PADI4: variants seen among roughly 807,000 people sequenced by gnomAD.
The protein encoded by PADI4 is peptidyl arginine deiminase 4.
A neutral mutation model predicts 75.0 loss-of-function variants in PADI4; 62 were observed. That is an observed-to-expected ratio of 0.83 (90% CI 0.67 to 1.02). The LOEUF (loss-of-function observed/expected upper bound fraction) is 1.02. PADI4 is among the 50% of genes least tolerant of loss of function. The pLI is 0.00. For synonymous variants in PADI4, 361 were observed against 348.1 expected (o/e 1.04, Z -0.41); for missense variants, 845 against 850.5 (o/e 0.99, Z 0.08).
At position 17,348,043 on chromosome 1, in the gene PADI4, G is replaced by A. The variant is rs752246671; in HGVS notation, c.1150G>A (p.Val384Met). The A allele has an allele frequency of 1.3e-5, 20 of 1,581,762 alleles. No individual in the cohort carries two copies. The highest frequency in any genetic ancestry group is 3.3e-5 in the South Asian group (3 of 90,286). ...CCTGAAGGAGTTTCCCATCAAACGCGTGATGGTACCTGCATGGGGTGGGGA... is the reference window on the plus strand; with the variant it reads ...CCTGAAGGAGTTTCCCATCAAACGCATGATGGTACCTGCATGGGGTGGGGA... ...RGLKEFPIKRVMGPDFGYVTR... is the reference protein window; with the variant it reads ...RGLKEFPIKRMMGPDFGYVTR... Residue 384 changes from valine (V) to methionine (M), a missense_variant, in exon 10 of 16, where the codon GTG becomes ATG. Transcript: ENST00000375448.
intron 11 of PADI4, 88 bp from the exon 12 acceptor site, chr1:17,355,895 C>G: frequency 7.3e-7 from 1 of 1,371,352 alleles, no homozygotes; most frequent in Non-Finnish European, 1.0e-6. Flanking sequence ...GAAGGAGAAC[C>G]CTGACCTTTT....
chr1:17,343,729 C>T (rs2074464413), intron 8 of PADI4, among the ~76,000 whole-genome samples: 1 of 152,192 alleles, frequency 6.6e-6, no homozygotes, highest in Non-Finnish European at 1.5e-5. Context: ...GGGGTTTCCA[C>T]TTTTGCATCT....
In PADI4 at chr1:17,354,616, C is replaced by T. The variant is rs540514677; in HGVS notation, c.1239C>T (p.Ser413=). The change falls in exon 11 of 16, where the codon AGC becomes AGT. Residue 413 remains serine (S), a synonymous_variant. Transcript: ENST00000375448. ...GLDSFGNLEV[S]PPVTVRGKEY... ...ACTCCTTTGGGAACCTGGAAGTGAG[C>T]CCCCCAGTCACAGTCAGGGGCAAGG... 3 of 1,613,686 alleles carry T rather than the reference C, an allele frequency of 1.9e-6. No homozygotes were observed. Among genetic ancestry groups the T allele is most frequent in the African/African-American group, 2.7e-5 (2 of 75,016 alleles).
rs549475985 is a variant in PADI4 at position 17,359,475 on chromosome 1, G to A, written c.1758+67G>A. ...AGGTAGCTCAGCCCGAGAGGCCAGTGGGGCACCCGGGCGGTCCCAGAGGGC... is the reference window on the plus strand; with the variant it reads ...AGGTAGCTCAGCCCGAGAGGCCAGTAGGGCACCCGGGCGGTCCCAGAGGGC... On this transcript the variant is annotated intron_variant, in intron 15 of 15. Coordinates refer to ENST00000375448, the MANE Select transcript of PADI4 (RefSeq NM_012387.3). 1.3e-5 allele frequency: 21 copies of A among 1,604,394 alleles called. No individual in the cohort carries two copies. In the South Asian group the frequency reaches 2.3e-4, roughly 18 times the overall value.
At position 17,356,049 on chromosome 1, in the gene PADI4, T is replaced by C; in HGVS notation, c.1377T>C (p.Pro459=). The change falls in exon 12 of 16, where the codon CCT becomes CCC. Residue 459 remains proline (P), a synonymous_variant. Transcript: ENST00000375448. This position sits in a 1 kb window ranked among gnomAD's most constrained non-coding sequence, Gnocchi z 4.1. ...TCAGTGCCCAGCAGGTGCAGGCCCC[T>C]GTGAAGCTCTATTCTGACTGGCTGT... The part of the protein sequence containing the change: ...DFLSAQQVQA[P]VKLYSDWLSV... 6.2e-7 allele frequency: 1 copy of C among 1,614,090 alleles called. No homozygotes were observed. The highest frequency in any genetic ancestry group is 8.5e-7 in the Non-Finnish European group (1 of 1,179,968).
chr1:17,320,199 C>T (rs2147332), intron 1 of PADI4, among the ~76,000 whole-genome samples: 136,417 of 152,216 alleles, frequency 0.9, 61,285 homozygotes, highest in South Asian at 0.95. Flanking sequence ...CTTCCAGCAA[C>T]AGCATCACTC....
intron 1 of PADI4, among the ~76,000 whole-genome samples, chr1:17,310,758 C>T (rs1218401288): frequency 2.0e-5 from 3 of 149,096 alleles, no homozygotes; most frequent in Non-Finnish European, 4.5e-5. Context: ...GTCAGAATTT[C>T]GAGACCAGCC....
At chr1:17,341,848 G>A in intron 6 of PADI4, 95 bp from the exon 7 acceptor site, 1 of 892,842 alleles carries the variant, frequency 1.1e-6, no homozygotes, top group Non-Finnish European at 1.7e-6. Context: ...GCCATGTGGT[G>A]ACCCTGGGAA....
At chr1:17,315,006 A>G (rs1432320397) in intron 1 of PADI4, among the ~76,000 whole-genome samples, 2 of 152,212 alleles carry the variant, frequency 1.3e-5, no homozygotes, top group African/African-American at 2.4e-5. Context: ...ATGACAACCC[A>G]GCCATCCTGC....
At chr1:17,331,925 C>G (rs2074220524) in intron 2 of PADI4, among the ~76,000 whole-genome samples, 1 of 152,080 alleles carries the variant, frequency 6.6e-6, no homozygotes, top group South Asian at 2.1e-4. Flanking sequence ...CTCAAAAAAA[C>G]AAAAGAAAGA....
At chr1:17,355,481 G>A (rs992437618) in intron 11 of PADI4, among the ~76,000 whole-genome samples, 19 of 151,796 alleles carry the variant, frequency 1.3e-4, no homozygotes, top group Non-Finnish European at 5.9e-5. Flanking sequence ...CCCGGGAGGC[G>A]GAGGTTGTAG....
rs531946133 is a variant in PADI4 at position 17,351,039 on chromosome 1, A to T, written c.1155+2991A>T. 1.7e-5 allele frequency among the ~76,000 whole-genome samples: 2 copies of T among 117,636 alleles called. 1 individual carries two copies. Among genetic ancestry groups the T allele is most frequent in the East Asian group, 7.0e-4 (2 of 2,848 alleles). The allele number at this position is 117,636 out of a possible 152,430, so 77.2% of individuals were successfully genotyped here. ...TTGTCCCTACAAAAAAAAAAAAAAA[A>T]TTGTTTCAATTAACTAGGCATGGTA... On this transcript the variant is annotated intron_variant, in intron 10 of 15. Transcript: ENST00000375448.
chr1:17,342,414 T>TG lies in PADI4; in HGVS notation c.935+16dup. The TG allele has an allele frequency of 6.7e-7, 1 of 1,498,428 alleles. No individual in the cohort carries two copies. Among genetic ancestry groups the TG allele is most frequent in the Non-Finnish European group, 9.3e-7 (1 of 1,076,124 alleles). The allele number at this position is 1,498,428 out of a possible 1,614,324, so 92.8% of individuals were successfully genotyped here. ...GTGTACGCGTGCAGGTGAGAGGTCCTGGGGTGCTGGGGTGGGTCCAGACAA... is the reference window on the plus strand; with the variant it reads ...GTGTACGCGTGCAGGTGAGAGGTCCTGGGGGTGCTGGGGTGGGTCCAGACAA... On this transcript the variant is annotated intron_variant, in intron 8 of 15. Coordinates refer to ENST00000375448, the MANE Select transcript of PADI4 (RefSeq NM_012387.3).
rs575681019 is a variant in PADI4, at chr1:17,325,485, TCA to T, written c.93-5482_93-5481del. On this transcript the variant is annotated intron_variant, in intron 1 of 15. Coordinates refer to ENST00000375448, the MANE Select transcript of PADI4 (RefSeq NM_012387.3). Reference sequence around the variant, plus strand: ...TATTTTTTCCTCTTTACTTTATTAGTCACCTTATTAAACTTTTGTCTTTTTAT... The same window carrying T: ...TATTTTTTCCTCTTTACTTTATTAGTCCTTATTAAACTTTTGTCTTTTTAT... Among the ~76,000 whole-genome samples the T allele has an allele frequency of 7.9e-5, 12 of 152,240 alleles. No homozygotes were observed. In the South Asian group the frequency reaches 2.3e-3, roughly 29 times the overall value.
chr1:17,318,443 G>A (rs1012765115), intron 1 of PADI4, among the ~76,000 whole-genome samples: 1 of 152,194 alleles, frequency 6.6e-6, no homozygotes, highest in Non-Finnish European at 1.5e-5. Flanking sequence ...GCAGGCATGT[G>A]AACACCAACT....
intron 3 of PADI4, chr1:17,334,890 C>G (rs914196709): frequency 1.2e-5 from 3 of 258,292 alleles, no homozygotes; most frequent in African/African-American, 7.0e-5. Context: ...ACCTGCAATC[C>G]CAGCGCTTTG....
At chr1:17,358,709 T>G in intron 13 of PADI4, 129 bp from the exon 14 acceptor site, 1 of 685,056 alleles carries the variant, frequency 1.5e-6, no homozygotes, top group East Asian at 2.7e-5. Context: ...ACAGCAAACC[T>G]GTATGGTAAG....
At chr1:17,335,580 G>T (rs904870652) in intron 3 of PADI4, among the ~76,000 whole-genome samples, 1 of 152,216 alleles carries the variant, frequency 6.6e-6, no homozygotes, top group Non-Finnish European at 1.5e-5. Context: ...GAATGACCTT[G>T]CAGTCATATA....
At chr1:17,321,820 G>A (rs1309870018) in intron 1 of PADI4, among the ~76,000 whole-genome samples, 1 of 152,196 alleles carries the variant, frequency 6.6e-6, no homozygotes, top group Non-Finnish European at 1.5e-5. Context: ...TGTCTGGGAG[G>A]CAGGTCCATG....
Sources: allele counts gnomAD v4.1 joint callset (sites outside exome capture counted in the v4.1 genomes callset), GRCh38; gene constraint gnomAD v4.1.1; non-coding constraint Gnocchi (gnomAD v3.1); transcripts MANE v1.5; gene names NCBI Gene and HGNC (gene_info 2026-07-23, HGNC 2026-07-21).